Variants in AGK observed in about 807,000 individuals in gnomAD.
AGK encodes the protein acylglycerol kinase, mitochondrial.
In AGK, 52 loss-of-function variants were observed where a neutral mutation model predicts 66.4. That is an observed-to-expected ratio of 0.78 (90% CI 0.63 to 0.99). AGK has a LOEUF of 0.99. Among genes scored for constraint, AGK ranks in the 50% least tolerant of loss-of-function variants. AGK has a pLI of 0.00. For synonymous variants in AGK, 182 were observed against 181.1 expected (o/e 1.00, Z -0.04); for missense variants, 451 against 506.6 (o/e 0.89, Z 1.05).
intron 5 of AGK, among the ~76,000 whole-genome samples, chr7:141,608,982 A>C (rs1320195903): frequency 6.6e-6 from 1 of 152,192 alleles, no homozygotes; most frequent in Non-Finnish European, 1.5e-5. Context: ...TTTCATCAGG[A>C]TTGACATACA....
chr7:141,651,012 A>G (rs1302336360), intron 14 of AGK, among the ~76,000 whole-genome samples: 1 of 152,226 alleles, frequency 6.6e-6, no homozygotes, highest in Admixed American at 6.5e-5. Flanking sequence ...TGTATTCTCT[A>G]TCCTCAGTTG....
chr7:141,566,903 T>G lies in AGK; in HGVS notation c.101+11336T>G, dbSNP rs201810335. ...TTGGTGACCTGTTCTCATCTTCCAT[T>G]GACACCGTCCTCAGAAGTGTACCTC... On this transcript the variant is annotated intron_variant, in intron 2 of 15. Transcript: ENST00000649286. 2.6e-5 allele frequency among the ~76,000 whole-genome samples: 4 copies of G among 152,210 alleles called. No homozygotes were observed. In the East Asian group the frequency reaches 7.7e-4, roughly 29 times the overall value.
At position 141,652,861 on chromosome 7, in the gene AGK, GA is replaced by G; in HGVS notation, c.1208del (p.Lys403SerfsTer86). The G allele has an allele frequency of 6.2e-7, 1 of 1,614,092 alleles. No homozygotes were observed. Among genetic ancestry groups the G allele is most frequent in the Non-Finnish European group, 8.5e-7 (1 of 1,180,010 alleles). Reference protein sequence around the residue: ...MPVEVKLLPRKLQFFCDPRKR... With the variant: ...MPVEVKLLPRXLQFFCDPRKR... ...CTGTGGAGGTGAAACTGCTCCCCAG[GA>G]AGCTGCAGTTCTTCTGTGATCCTAG... On this transcript the variant is annotated frameshift_variant, in exon 16 of 16. Transcript: ENST00000649286. LOFTEE classifies it high-confidence loss of function.
At chr7:141,575,119 G>A (rs34370119) in intron 2 of AGK, among the ~76,000 whole-genome samples, 4,464 of 152,286 alleles carry the variant, frequency 0.029, 108 homozygotes, top group South Asian at 0.14. Flanking sequence ...TTGAGGTGAC[G>A]TAAGTGTGGC....
intron 2 of AGK, among the ~76,000 whole-genome samples, chr7:141,559,801 C>T (rs1419721076): frequency 1.3e-5 from 2 of 152,026 alleles, no homozygotes; most frequent in Non-Finnish European, 2.9e-5. Flanking sequence ...AGTCTTTTAC[C>T]TACTTGCTTA....
At chr7:141,641,971 C>CA in intron 13 of AGK, 63 bp downstream of exon 13, 1 of 1,297,446 alleles carries the variant, frequency 7.7e-7, no homozygotes, top group Non-Finnish European at 1.1e-6. Context: ...TAGCTATAGT[C>CA]CTCTCCCACT....
At chr7:141,602,173 T>TTGTGTGTGTGTGTG (rs71172608) in intron 5 of AGK, among the ~76,000 whole-genome samples, 2,658 of 125,260 alleles carry the variant, frequency 0.021, 80 homozygotes, top group Middle Eastern at 0.066. Flanking sequence ...GGAGATTTTC[T>TTGTGTGTGTGTGTG]TGTGTGTGTG....
chr7:141,601,549 T>C (rs887891276), intron 5 of AGK, among the ~76,000 whole-genome samples: 7 of 151,916 alleles, frequency 4.6e-5, no homozygotes, highest in Admixed American at 1.3e-4. Flanking sequence ...AAGATGAAAG[T>C]TGTTATAGCT....
intron 8 of AGK, among the ~76,000 whole-genome samples, chr7:141,618,946 C>A (rs559585049): frequency 6.6e-6 from 1 of 152,166 alleles, no homozygotes; most frequent in Non-Finnish European, 1.5e-5. Context: ...GACACTAACA[C>A]TGATATACCT....
intron 9 of AGK, among the ~76,000 whole-genome samples, chr7:141,624,568 G>T (rs1010250577): frequency 6.6e-6 from 1 of 152,204 alleles, no homozygotes; most frequent in African/African-American, 2.4e-5. Flanking sequence ...GATTTCAGTG[G>T]AGGAAGGAAC....
intron 2 of AGK, among the ~76,000 whole-genome samples, chr7:141,577,049 A>G (rs1167185808): frequency 6.6e-6 from 1 of 152,038 alleles, no homozygotes; most frequent in Non-Finnish European, 1.5e-5. Flanking sequence ...CAAAAAAATA[A>G]AAAAAATAAA....
At chr7:141,650,820 GC>G (rs1797538099) in intron 14 of AGK, 1 of 296,442 alleles carries the variant, frequency 3.4e-6, no homozygotes. Context: ...AGGTTGTCAA[GC>G]CCCTTCTATA....
intron 2 of AGK, among the ~76,000 whole-genome samples, chr7:141,559,068 G>T (rs1278126462): frequency 6.6e-6 from 1 of 152,022 alleles, no homozygotes; most frequent in Non-Finnish European, 1.5e-5. Flanking sequence ...TTCTGTAGCT[G>T]GCCTTTTTAC....
chr7:141,638,426 C>G (rs1454129776), intron 11 of AGK, among the ~76,000 whole-genome samples: 2 of 151,874 alleles, frequency 1.3e-5, no homozygotes, highest in Admixed American at 1.3e-4. Context: ...TTTTGATGTG[C>G]AATTTGACTT....
At chr7:141,611,353 A>G (rs971542905) in intron 6 of AGK, 66 bp downstream of exon 6, 91 of 1,171,716 alleles carry the variant, frequency 7.8e-5, no homozygotes, top group Non-Finnish European at 1.1e-4. Context: ...ATCCTAGAGC[A>G]ATGGTATGTT....
intron 2 of AGK, among the ~76,000 whole-genome samples, chr7:141,572,563 A>T (rs1178840556): frequency 2.0e-5 from 3 of 152,200 alleles, no homozygotes; most frequent in Non-Finnish European, 4.4e-5. Context: ...TAGGTGTGTC[A>T]AGTGCCTGGT....
At chr7:141,592,348 T>G (rs932459173) in intron 2 of AGK, among the ~76,000 whole-genome samples, 1 of 152,204 alleles carries the variant, frequency 6.6e-6, no homozygotes, top group Non-Finnish European at 1.5e-5. Context: ...AGAGCCTTCT[T>G]CCATCTTCGC....
intron 2 of AGK, among the ~76,000 whole-genome samples, chr7:141,566,799 T>C (rs1366141904): frequency 3.3e-5 from 5 of 152,200 alleles, no homozygotes; most frequent in African/African-American, 7.2e-5. Flanking sequence ...ATCTTTAGTC[T>C]CAGACTTTCA....
intron 2 of AGK, among the ~76,000 whole-genome samples, chr7:141,582,664 A>G (rs1260030295): frequency 6.6e-6 from 1 of 152,010 alleles, no homozygotes; most frequent in Non-Finnish European, 1.5e-5. Context: ...ATTTGGGAGA[A>G]GTTGGATAAA....
Sources: gnomAD v4.1 joint callset for allele counts (sites outside exome capture counted in the v4.1 genomes callset) on GRCh38, gnomAD v4.1.1 for gene constraint, MANE v1.5 for transcripts, NCBI Gene and HGNC (gene_info 2026-07-23, HGNC 2026-07-21) for gene names.